OPCML: variants seen among roughly 807,000 people sequenced by gnomAD.
The protein encoded by OPCML is opioid binding protein/cell adhesion molecule like.
Under a neutral mutation model 37.8 loss-of-function variants are expected in OPCML, and 13 were observed. The ratio of observed to expected loss-of-function variants is 0.34; its 90% CI spans 0.22 to 0.55. OPCML has a LOEUF of 0.55. OPCML is among the 20% of genes least tolerant of loss of function. OPCML has a pLI of 0.91. For missense variants in OPCML, 341 were observed against 435.6 expected (o/e 0.78, Z 1.93); for synonymous variants, 176 against 168.8 (o/e 1.04, Z -0.33).
intron 1 of OPCML, among the ~76,000 whole-genome samples, chr11:133,221,659 G>A (rs1355124218): frequency 1.3e-5 from 2 of 152,208 alleles, no homozygotes; most frequent in Non-Finnish European, 2.9e-5. Context: ...GGAGGAGGTT[G>A]CTGCATTCAC....
At chr11:132,834,560 T>C (rs897709815) in intron 2 of OPCML, among the ~76,000 whole-genome samples, 1 of 152,224 alleles carries the variant, frequency 6.6e-6, no homozygotes, top group Non-Finnish European at 1.5e-5. Context: ...TTCTTTGGCC[T>C]GCGGCAGCAC....
chr11:133,197,123 C>T (rs1346508506), intron 1 of OPCML, among the ~76,000 whole-genome samples: 1 of 152,166 alleles, frequency 6.6e-6, no homozygotes, highest in Non-Finnish European at 1.5e-5. Flanking sequence ...ATTGAAACAC[C>T]TATAAAATAT....
intron 1 of OPCML, among the ~76,000 whole-genome samples, chr11:133,105,617 T>C (rs955401117): frequency 6.6e-6 from 1 of 152,066 alleles, no homozygotes; most frequent in African/African-American, 2.4e-5. Flanking sequence ...TTTGATTTGG[T>C]GGAAAAAGAA....
chr11:133,271,412 A>T (rs1200638722), intron 1 of OPCML, among the ~76,000 whole-genome samples: 1 of 152,224 alleles, frequency 6.6e-6, no homozygotes, highest in East Asian at 1.9e-4. Flanking sequence ...AACTGAAAAC[A>T]TGAAGGTAGA....
At chr11:132,761,705 C>T (rs1396694879) in intron 2 of OPCML, among the ~76,000 whole-genome samples, 6 of 152,100 alleles carry the variant, frequency 3.9e-5, no homozygotes, top group African/African-American at 1.2e-4. Context: ...TTAGCAGTTC[C>T]CGTAACCTTT....
intron 3 of OPCML, among the ~76,000 whole-genome samples, chr11:132,541,068 C>T (rs759282757): frequency 6.6e-6 from 1 of 152,188 alleles, no homozygotes; most frequent in South Asian, 2.1e-4. Flanking sequence ...GTTAGGGATG[C>T]CCCTCGCTCT....
intron 3 of OPCML, among the ~76,000 whole-genome samples, chr11:132,536,669 A>G (rs1015953465): frequency 4.6e-5 from 7 of 152,186 alleles, no homozygotes; most frequent in East Asian, 1.9e-4. Context: ...TAAGGATCCA[A>G]TGTTTTATCC....
At chr11:133,266,233 C>A (rs527307341) in intron 1 of OPCML, among the ~76,000 whole-genome samples, 11 of 152,100 alleles carry the variant, frequency 7.2e-5, no homozygotes, top group African/African-American at 2.7e-4. Flanking sequence ...CTCCTTCAAC[C>A]CCACCCTAGC....
chr11:133,513,181 A>G (rs1421075278), intron 1 of OPCML, among the ~76,000 whole-genome samples: 1 of 151,726 alleles, frequency 6.6e-6, no homozygotes, highest in African/African-American at 2.4e-5. Flanking sequence ...TAAAAAAAAA[A>G]TGGTTTCTCA....
chr11:132,867,549 G>A (rs748492608), intron 2 of OPCML, among the ~76,000 whole-genome samples: 45 of 152,210 alleles, frequency 3.0e-4, no homozygotes, highest in Non-Finnish European at 5.9e-4. Flanking sequence ...ACATTGAATT[G>A]ATTTCTTTAT....
At chr11:133,313,523 T>C (rs1364603994) in intron 1 of OPCML, among the ~76,000 whole-genome samples, 3 of 152,352 alleles carry the variant, frequency 2.0e-5, no homozygotes, top group Non-Finnish European at 4.4e-5. Flanking sequence ...TGCTGGACTA[T>C]TCCACGAGTC....
chr11:132,458,547 T>TA (rs2096090340), intron 4 of OPCML, among the ~76,000 whole-genome samples: 1 of 152,238 alleles, frequency 6.6e-6, no homozygotes, highest in Non-Finnish European at 1.5e-5. Flanking sequence ...ATGACATTCT[T>TA]AAACAATTAT....
chr11:132,556,571 G>A, intron 3 of OPCML, among the ~76,000 whole-genome samples: 1 of 152,110 alleles, frequency 6.6e-6, no homozygotes, highest in East Asian at 1.9e-4. Flanking sequence ...GTAGCTTCTG[G>A]CAGCTTGCAG....
chr11:132,434,827 G>A (rs1228736468), intron 7 of OPCML, among the ~76,000 whole-genome samples: 2 of 152,106 alleles, frequency 1.3e-5, no homozygotes, highest in African/African-American at 4.8e-5. Flanking sequence ...AATCCAGTTG[G>A]TCTCTGGGCT....
chr11:132,672,417 C>G (rs1414277222), intron 2 of OPCML, among the ~76,000 whole-genome samples: 1 of 152,146 alleles, frequency 6.6e-6, no homozygotes, highest in Non-Finnish European at 1.5e-5. Context: ...CTAAAGTACT[C>G]AATCTAAAGC....
intron 2 of OPCML, among the ~76,000 whole-genome samples, chr11:132,890,636 G>A (rs1466728653): frequency 1.3e-5 from 2 of 151,248 alleles, no homozygotes; most frequent in Non-Finnish European, 2.9e-5. Flanking sequence ...CACGAGGTCA[G>A]GAGATCGAGA....
intron 1 of OPCML, among the ~76,000 whole-genome samples, chr11:133,273,256 G>A (rs1941901875): frequency 6.6e-6 from 1 of 152,150 alleles, no homozygotes; most frequent in Non-Finnish European, 1.5e-5. Context: ...TATGAGGGAA[G>A]AAAATGTCCT....
At chr11:133,409,850 C>T (rs189264378) in intron 1 of OPCML, among the ~76,000 whole-genome samples, 19 of 152,132 alleles carry the variant, frequency 1.2e-4, no homozygotes, top group Non-Finnish European at 2.2e-4. Flanking sequence ...GCAGTCCAGT[C>T]GGGGAGAGAG....
chr11:132,726,721 C>G (rs891433037), intron 2 of OPCML, among the ~76,000 whole-genome samples: 1 of 151,972 alleles, frequency 6.6e-6, no homozygotes, highest in Non-Finnish European at 1.5e-5. Flanking sequence ...GAAGCAGGAC[C>G]GTGGAAGAGG....
Sources: gnomAD v4.1 joint callset for allele counts (sites outside exome capture counted in the v4.1 genomes callset) on GRCh38, gnomAD v4.1.1 for gene constraint, MANE v1.5 for transcripts, NCBI Gene and HGNC (gene_info 2026-07-23, HGNC 2026-07-21) for gene names.